The following TMEM132D variants were observed in gnomAD, a reference collection of about 807,000 sequenced individuals.
TMEM132D encodes the protein mature OL transmembrane protein.
In TMEM132D, 21 loss-of-function variants were observed where a neutral mutation model predicts 62.3. The observed-to-expected ratio is 0.34, with a 90% CI of 0.24 to 0.49. TMEM132D has a LOEUF of 0.49. Ranked by LOEUF, TMEM132D falls within the 20% of genes least tolerant of loss-of-function variation. The pLI is 0.99. For missense variants in TMEM132D, 1,346 were observed against 1,402.8 expected (o/e 0.96, Z 0.65); for synonymous variants, 621 against 575.6 (o/e 1.08, Z -1.13).
At chr12:129,531,036 A>G in intron 3 of TMEM132D, 23 bp downstream of exon 3, 2 of 1,594,530 alleles carry the variant, frequency 1.3e-6, no homozygotes, top group Non-Finnish European at 1.7e-6. Flanking sequence ...ATCTGAATAT[A>G]TCGGAGGCCA....
At chr12:129,785,252 T>C (rs1393477646) in intron 1 of TMEM132D, among the ~76,000 whole-genome samples, 1 of 152,112 alleles carries the variant, frequency 6.6e-6, no homozygotes, top group Non-Finnish European at 1.5e-5. Flanking sequence ...TTGGTCATCC[T>C]CAGCCTGATG....
intron 1 of TMEM132D, among the ~76,000 whole-genome samples, chr12:129,705,413 A>T (rs1256602285): frequency 6.6e-6 from 1 of 152,186 alleles, no homozygotes; most frequent in African/African-American, 2.4e-5. Flanking sequence ...AATTTTAAAA[A>T]CTAAAAACTA....
intron 2 of TMEM132D, among the ~76,000 whole-genome samples, chr12:129,666,072 C>T (rs1372204857): frequency 6.6e-6 from 1 of 152,196 alleles, no homozygotes; most frequent in Non-Finnish European, 1.5e-5. Flanking sequence ...GGTAAAAGCA[C>T]TGCGCTGTCT....
chr12:129,119,309 AAC>A (rs1216797442), intron 5 of TMEM132D, among the ~76,000 whole-genome samples: 2 of 152,192 alleles, frequency 1.3e-5, no homozygotes, highest in East Asian at 3.9e-4. Flanking sequence ...ACATATCAAA[AAC>A]ACACCCACAC....
Position 129,613,189 on chromosome 12 carries a change from G to A in TMEM132D, c.969-81984C>T, listed in dbSNP as rs78654497. 7.1e-3 allele frequency among the ~76,000 whole-genome samples: 1,079 copies of A among 152,194 alleles called. 44 individuals are homozygous for A. In the East Asian group the frequency reaches 0.087, roughly 12 times the overall value. On this transcript the variant is annotated intron_variant, in intron 2 of 8. Coordinates refer to ENST00000422113, the MANE Select transcript of TMEM132D (RefSeq NM_133448.3). ...ACAGCTCACCCCGTCACTTTGGCACGTAACTGCCAAGTCACTGCCTTGGTT... is the reference window on the plus strand; with the variant it reads ...ACAGCTCACCCCGTCACTTTGGCACATAACTGCCAAGTCACTGCCTTGGTT...
intron 5 of TMEM132D, among the ~76,000 whole-genome samples, chr12:129,090,572 G>A (rs567164066): frequency 1.3e-5 from 2 of 152,264 alleles, no homozygotes; most frequent in African/African-American, 4.8e-5. Context: ...GAAGGCTGAG[G>A]CAGGAGAATT....
rs1044328126 is a variant in TMEM132D, at chr12:129,074,743, T to G, written c.2432A>C (p.His811Pro). Reference sequence around the variant, plus strand: ...TTCCATGTGAACCCCTGCCCCTGTGTGTCTGCTGTCACTGGTGTTGGGGTT... The same window carrying G: ...TTCCATGTGAACCCCTGCCCCTGTGGGTCTGCTGTCACTGGTGTTGGGGTT... ...DANPNTSDSR[H>P]TGAGVHMENN... Residue 811 changes from histidine to proline, a missense_variant, in exon 9 of 9, where the codon CAC (histidine) becomes CCC (proline). By Grantham distance (77) the His-to-Pro change is moderately conservative (BLOSUM62 -2). Transcript: ENST00000422113. 6.2e-7 allele frequency: 1 copy of G among 1,614,190 alleles called. No individual in the cohort carries two copies. Among genetic ancestry groups the G allele is most frequent in the Non-Finnish European group, 8.5e-7 (1 of 1,180,018 alleles).
At chr12:129,384,802 T>C (rs1379681669) in intron 3 of TMEM132D, among the ~76,000 whole-genome samples, 1 of 152,216 alleles carries the variant, frequency 6.6e-6, no homozygotes, top group East Asian at 1.9e-4. Flanking sequence ...CACTCTCCCG[T>C]ATTCCCATCT....
At chr12:129,367,420 G>A (rs1467867039) in intron 3 of TMEM132D, among the ~76,000 whole-genome samples, 1 of 152,056 alleles carries the variant, frequency 6.6e-6, no homozygotes, top group Non-Finnish European at 1.5e-5. Flanking sequence ...TCCCCTCCCT[G>A]ATGCATGTGC....
intron 5 of TMEM132D, among the ~76,000 whole-genome samples, chr12:129,149,427 C>T (rs1171757530): frequency 6.6e-6 from 1 of 152,144 alleles, no homozygotes; most frequent in African/African-American, 2.4e-5. Context: ...GAGCTCAAGG[C>T]TTTCTGTCCC....
intron 5 of TMEM132D, among the ~76,000 whole-genome samples, chr12:129,142,449 T>C (rs1486394911): frequency 6.6e-6 from 1 of 152,240 alleles, no homozygotes; most frequent in Non-Finnish European, 1.5e-5. Flanking sequence ...ATATCCTTTA[T>C]ATCCTTTGAT....
chr12:129,801,856 G>A (rs1871798913), intron 1 of TMEM132D, among the ~76,000 whole-genome samples: 1 of 150,878 alleles, frequency 6.6e-6, no homozygotes, highest in Admixed American at 6.6e-5. Context: ...AGCTGATGGA[G>A]CTGAAAACCA....
intron 1 of TMEM132D, among the ~76,000 whole-genome samples, chr12:129,718,686 A>G (rs116184297): frequency 0.023 from 3,483 of 152,186 alleles, 120 homozygotes; most frequent in African/African-American, 0.078. Context: ...TATTATCCTC[A>G]TTTTATAGGT....
At chr12:129,874,592 TAA>T (rs34854402) in intron 1 of TMEM132D, among the ~76,000 whole-genome samples, 1,908 of 130,212 alleles carry the variant, frequency 0.015, 30 homozygotes, top group African/African-American at 0.05. Context: ...AAAGCTAGGT[TAA>T]AAAAAAAAAA....
chr12:129,768,136 A>C (rs1870614671), intron 1 of TMEM132D, among the ~76,000 whole-genome samples: 1 of 152,186 alleles, frequency 6.6e-6, no homozygotes, highest in South Asian at 2.1e-4. Context: ...TTTCTTTGGG[A>C]ACACAGCCAA....
At chr12:129,480,314 T>C (rs1352783835) in intron 3 of TMEM132D, among the ~76,000 whole-genome samples, 1 of 152,238 alleles carries the variant, frequency 6.6e-6, no homozygotes, top group East Asian at 1.9e-4. Flanking sequence ...TGTGGGCCAC[T>C]GAAAAGACTT....
intron 2 of TMEM132D, among the ~76,000 whole-genome samples, chr12:129,610,329 T>C (rs1878738419): frequency 6.6e-6 from 1 of 151,902 alleles, no homozygotes; most frequent in East Asian, 1.9e-4. Context: ...CAGTACATTA[T>C]TGAATTGATT....
chr12:129,203,701 C>T (rs1320937337), intron 5 of TMEM132D, among the ~76,000 whole-genome samples: 2 of 152,232 alleles, frequency 1.3e-5, no homozygotes, highest in African/African-American at 4.8e-5. Context: ...ACGTGTCACA[C>T]CCAGAGAGCT....
At chr12:129,385,230 C>A (rs968043630) in intron 3 of TMEM132D, among the ~76,000 whole-genome samples, 1 of 151,666 alleles carries the variant, frequency 6.6e-6, no homozygotes, top group East Asian at 1.9e-4. Flanking sequence ...CTTAGCCTCC[C>A]GAGTAGTGGG....
Sources: gnomAD v4.1 joint callset for allele counts (sites outside exome capture counted in the v4.1 genomes callset) on GRCh38, gnomAD v4.1.1 for gene constraint, MANE v1.5 for transcripts, NCBI Gene and HGNC (gene_info 2026-07-23, HGNC 2026-07-21) for gene names.